Variants in RFX4 observed in about 807,000 individuals in gnomAD.
RFX4 encodes the protein transcription factor RFX4.
Under a neutral mutation model 95.0 loss-of-function variants are expected in RFX4, and 10 were observed. The observed-to-expected ratio is 0.11, with a 90% CI of 0.06 to 0.18. The LOEUF (loss-of-function observed/expected upper bound fraction) is 0.18, where lower values mean the gene tolerates loss of function less well. Ranked by LOEUF, RFX4 falls within the 10% of genes least tolerant of loss-of-function variation. The pLI is 1.00. For synonymous variants in RFX4, 321 were observed against 340.7 expected, an observed-to-expected ratio of 0.94 and a Z score of 0.64; for missense variants, 640 against 922.0, an observed-to-expected ratio of 0.69 and a Z score of 3.96.
At chr12:106,686,321 G>A (rs1332025002) in intron 5 of RFX4, among the ~76,000 whole-genome samples, 1 of 151,178 alleles carries the variant, frequency 6.6e-6, no homozygotes, top group Non-Finnish European at 1.5e-5. Flanking sequence ...TGAGGCAGGA[G>A]AATCGCTTGA....
In RFX4 at chr12:106,720,195, G is replaced by GA; in HGVS notation, c.1233+142dup. Reference sequence around the variant, plus strand: ...AGGCCCCAGGAGGTGGAGGGGTCAGGAGGCAGGACTCTTGAGTCTTCCATC... The same window carrying GA: ...AGGCCCCAGGAGGTGGAGGGGTCAGGAAGGCAGGACTCTTGAGTCTTCCATC... On this transcript the variant is annotated intron_variant, in intron 12 of 17. Coordinates refer to ENST00000392842, the MANE Select transcript of RFX4 (RefSeq NM_213594.3). The surrounding 1 kb of genome is among the most constrained non-coding windows in gnomAD (Gnocchi z 4.2). 1.5e-6 allele frequency: 1 copy of GA among 673,964 alleles called. No individual in the cohort carries two copies. The highest frequency in any genetic ancestry group is 2.6e-6 in the Non-Finnish European group (1 of 383,460). 41.7% of individuals were successfully genotyped at this position (673,964 alleles called of 1,614,324 possible).
intron 17 of RFX4, among the ~76,000 whole-genome samples, chr12:106,754,864 C>T (rs2043080976): frequency 6.6e-6 from 1 of 152,230 alleles, no homozygotes; most frequent in Non-Finnish European, 1.5e-5. Context: ...ACACACTCCA[C>T]ACTTCATGGT....
At chr12:106,609,847 C>A (rs2039920777) in intron 2 of RFX4, among the ~76,000 whole-genome samples, 1 of 152,088 alleles carries the variant, frequency 6.6e-6, no homozygotes. Flanking sequence ...TCCTCCCTGT[C>A]AATCACTACT....
At chr12:106,584,542 C>T (rs1033194793) in intron 1 of RFX4, among the ~76,000 whole-genome samples, 4 of 152,160 alleles carry the variant, frequency 2.6e-5, no homozygotes, top group African/African-American at 9.7e-5. Flanking sequence ...TGAGCATGCA[C>T]GTCCTTTCCT....
chr12:106,631,430 G>A (rs2040413702), intron 2 of RFX4, among the ~76,000 whole-genome samples: 1 of 152,218 alleles, frequency 6.6e-6, no homozygotes, highest in African/African-American at 2.4e-5. Context: ...CAGACTGAAT[G>A]TCTGTATCCC....
At chr12:106,661,227 C>T (rs749191839) in intron 4 of RFX4, among the ~76,000 whole-genome samples, 3 of 152,280 alleles carry the variant, frequency 2.0e-5, no homozygotes, top group South Asian at 2.1e-4. Flanking sequence ...AGGATCTTAC[C>T]GTATTAGCCC....
chr12:106,672,150 TA>T lies in RFX4; in HGVS notation c.316-9834del, dbSNP rs143396480. ...TTCTTGCTTAAAACTCATGTTTCTT[TA>T]AAAAAAAATTGCACCCACAAAATGA... is the stretch of plus-strand genomic sequence containing the variant. On this transcript the variant is annotated intron_variant, in intron 4 of 17. Transcript: ENST00000392842. Among the ~76,000 whole-genome samples the T allele has an allele frequency of 8.9e-3, 1,343 of 151,748 alleles. 28 individuals are homozygous for T. Among genetic ancestry groups the T allele is most frequent in the African/African-American group, 0.031 (1,274 of 41,330 alleles).
intron 9 of RFX4, among the ~76,000 whole-genome samples, chr12:106,710,196 C>A (rs968905301): frequency 6.6e-6 from 1 of 152,120 alleles, no homozygotes; most frequent in Non-Finnish European, 1.5e-5. Context: ...CATTTGAATA[C>A]AACGGCTTGC....
At chr12:106,732,016 T>C in intron 13 of RFX4, 114 bp from the exon 14 acceptor site, 3 of 1,447,762 alleles carry the variant, frequency 2.1e-6, no homozygotes, top group Non-Finnish European at 2.8e-6. Flanking sequence ...AGTGGAAAAT[T>C]AGACTCTTGA....
At chr12:106,689,175 G>A (rs1403283252) in intron 6 of RFX4, 112 bp from the exon 7 acceptor site, 1 of 897,816 alleles carries the variant, frequency 1.1e-6, no homozygotes, top group Non-Finnish European at 1.9e-6. Flanking sequence ...GGTGTTAGGT[G>A]AATTGCATCC....
intron 16 of RFX4, among the ~76,000 whole-genome samples, chr12:106,749,015 G>A (rs1303268865): frequency 6.6e-6 from 1 of 151,766 alleles, no homozygotes; most frequent in East Asian, 1.9e-4. Flanking sequence ...AACCCAGGAG[G>A]TGGAGGCTGC....
rs116651133 is a variant in RFX4 at position 106,635,302 on chromosome 12, A to T, written c.131-4030A>T. On this transcript the variant is annotated intron_variant, in intron 2 of 17. Coordinates refer to ENST00000392842, the MANE Select transcript of RFX4 (RefSeq NM_213594.3). ...GGTTGTTTTTCTTGTTTAAAAAAAT[A>T]CAATTGACAATTTGTCATTGTTGTT... Among the ~76,000 whole-genome samples, 301 of 152,300 alleles carry T rather than the reference A, an allele frequency of 2.0e-3. 3 individuals carry two copies. The highest frequency in any genetic ancestry group is 6.8e-3 in the African/African-American group (281 of 41,552).
At chr12:106,662,846 C>A (rs574338558) in intron 4 of RFX4, among the ~76,000 whole-genome samples, 3 of 152,144 alleles carry the variant, frequency 2.0e-5, no homozygotes, top group African/African-American at 7.2e-5. Flanking sequence ...TGCCTTTGAT[C>A]CTTTGTCAAA....
chr12:106,689,904 A>T (rs2041744061), intron 7 of RFX4, among the ~76,000 whole-genome samples: 1 of 152,138 alleles, frequency 6.6e-6, no homozygotes, highest in South Asian at 2.1e-4. Flanking sequence ...AAAATATTGT[A>T]GTTAAAGAAT....
rs3067521 is a variant in RFX4, at chr12:106,599,471, G to GTGATGATGA, written c.44-9295_44-9287dup. 1.2e-3 allele frequency among the ~76,000 whole-genome samples: 179 copies of GTGATGATGA among 150,682 alleles called. 1 individual carries two copies. Among genetic ancestry groups the GTGATGATGA allele is most frequent in the African/African-American group, 3.9e-3 (161 of 40,846 alleles). ...GTGTGATCTTGGGCAAGTCATCGCT[G>GTGATGATGA]TGATGATGATGATGATGATGATGAT... On this transcript the variant is annotated intron_variant, in intron 1 of 17. Coordinates refer to ENST00000392842, the MANE Select transcript of RFX4 (RefSeq NM_213594.3).
chr12:106,721,271 G>C (rs2042391237), intron 13 of RFX4, among the ~76,000 whole-genome samples: 1 of 152,190 alleles, frequency 6.6e-6, no homozygotes, highest in South Asian at 2.1e-4. Context: ...CAAATGGCTT[G>C]ATTGACCATA....
At chr12:106,640,969 C>G (rs577134842) in intron 3 of RFX4, among the ~76,000 whole-genome samples, 4 of 152,036 alleles carry the variant, frequency 2.6e-5, no homozygotes, top group African/African-American at 9.6e-5. Context: ...TTTGTAGAGA[C>G]AGGGTTTCAC....
chr12:106,667,187 G>A (rs1279777408), intron 4 of RFX4, among the ~76,000 whole-genome samples: 3 of 151,904 alleles, frequency 2.0e-5, no homozygotes, highest in Non-Finnish European at 4.4e-5. Flanking sequence ...GGCTAGAATT[G>A]GATATTTCCC....
chr12:106,677,106 C>A (rs1329682723), intron 4 of RFX4, among the ~76,000 whole-genome samples: 2 of 152,142 alleles, frequency 1.3e-5, no homozygotes, highest in African/African-American at 4.8e-5. Flanking sequence ...TGAGATAATA[C>A]ATGTAAAGTG....
Sources: gnomAD v4.1 joint callset for allele counts (sites outside exome capture counted in the v4.1 genomes callset) on GRCh38, gnomAD v4.1.1 for gene constraint, Gnocchi (gnomAD v3.1) non-coding constraint, MANE v1.5 for transcripts, NCBI Gene and HGNC (gene_info 2026-07-23, HGNC 2026-07-21) for gene names.